Variants in LTBP1 observed in about 807,000 individuals in gnomAD.
LTBP1 encodes latent transforming growth factor beta binding protein 1, also known as latent-transforming growth factor beta-binding protein 1.
Under a neutral mutation model 207.6 loss-of-function variants are expected in LTBP1, and 129 were observed. That is an observed-to-expected ratio of 0.62 (90% CI 0.54 to 0.72). The LOEUF (loss-of-function observed/expected upper bound fraction) is 0.72. Ranked by LOEUF, LTBP1 falls within the 30% of genes least tolerant of loss-of-function variation. The pLI is 0.00. For synonymous variants in LTBP1, 963 were observed against 833.7 expected, an observed-to-expected ratio of 1.16 and a Z score of -2.67; for missense variants, 2,281 against 2,217.2, an observed-to-expected ratio of 1.03 and a Z score of -0.58.
intron 2 of LTBP1, among the ~76,000 whole-genome samples, chr2:32,995,613 C>G (rs1572992039): frequency 6.6e-6 from 1 of 152,124 alleles, no homozygotes; most frequent in Admixed American, 6.5e-5. Flanking sequence ...AACCCCATCT[C>G]TACTAAAAAT....
intron 7 of LTBP1, among the ~76,000 whole-genome samples, chr2:33,201,868 T>C (rs1442923506): frequency 1.3e-5 from 2 of 152,224 alleles, no homozygotes; most frequent in Admixed American, 1.3e-4. Context: ...TTTGGGATTC[T>C]GTTAGAGATG....
chr2:33,288,804 G>A (rs1243310437), intron 19 of LTBP1, among the ~76,000 whole-genome samples: 4 of 149,876 alleles, frequency 2.7e-5, no homozygotes, highest in South Asian at 2.1e-4. Flanking sequence ...GCAGTGAGCC[G>A]AGATCGCACC....
At chr2:33,196,225 A>G (rs2088548768) in intron 7 of LTBP1, among the ~76,000 whole-genome samples, 1 of 152,226 alleles carries the variant, frequency 6.6e-6, no homozygotes, top group Non-Finnish European at 1.5e-5. Context: ...AAGTAGCACG[A>G]ACTTGACTCT....
At chr2:33,354,949 C>T (rs549572282) in intron 26 of LTBP1, among the ~76,000 whole-genome samples, 20 of 152,002 alleles carry the variant, frequency 1.3e-4, no homozygotes, top group African/African-American at 9.7e-5. Context: ...ACTATGTTGC[C>T]GAGGCTGGTC....
At chr2:32,996,432 A>G (rs1353738178) in intron 2 of LTBP1, among the ~76,000 whole-genome samples, 3 of 152,172 alleles carry the variant, frequency 2.0e-5, no homozygotes, top group African/African-American at 7.2e-5. Context: ...TAGGATTTCA[A>G]CATATGAATT....
intron 25 of LTBP1, 122 bp downstream of exon 25, chr2:33,343,085 C>T: frequency 8.3e-7 from 1 of 1,199,964 alleles, no homozygotes; most frequent in Non-Finnish European, 1.1e-6. Context: ...TTGATTTTGT[C>T]ATACAATTTG....
At chr2:33,046,718 T>A (rs2149462006) in intron 3 of LTBP1, among the ~76,000 whole-genome samples, 1 of 152,338 alleles carries the variant, frequency 6.6e-6, no homozygotes, top group Middle Eastern at 3.4e-3. Context: ...TCTGGTAGAA[T>A]TTAGCTGTGA....
Position 33,243,600 on chromosome 2 carries a change from A to C in LTBP1, c.1877-62A>C. The C allele has an allele frequency of 6.4e-6, 10 of 1,553,210 alleles. No individual in the cohort carries two copies. In the South Asian group the frequency reaches 1.0e-4, roughly 16 times the overall value. ...GTGAAAAAGGAAGTGAATGCAATGT[A>C]TAGCCAGAATCTGCTCAATGGGGCT... On this transcript the variant is annotated intron_variant, in intron 9 of 33. Coordinates refer to ENST00000404816, the MANE Select transcript of LTBP1 (RefSeq NM_206943.4).
rs553359163 is a variant in LTBP1, at chr2:32,997,489, G to A, written c.566-23420G>A. 3.9e-4 allele frequency among the ~76,000 whole-genome samples: 60 copies of A among 152,300 alleles called. 1 individual carries two copies. The East Asian group carries it at 9.7e-3, about 25-fold the overall frequency. ...ATGCCGTTCCAGCCTGGCCAACAGA[G>A]TGAGACCCTGTCTTTAAAAAACAAA... On this transcript the variant is annotated intron_variant, in intron 2 of 33. Coordinates refer to ENST00000404816, the MANE Select transcript of LTBP1 (RefSeq NM_206943.4).
At chr2:33,137,442 T>G (rs2082233405) in intron 5 of LTBP1, among the ~76,000 whole-genome samples, 1 of 152,212 alleles carries the variant, frequency 6.6e-6, no homozygotes, top group South Asian at 2.1e-4. Context: ...AAATATGTTT[T>G]AGACTTTGTG....
At chr2:33,397,420 A>ACATCTC in intron 33 of LTBP1, 138 bp downstream of exon 33, 2 of 817,800 alleles carry the variant, frequency 2.4e-6, no homozygotes, top group Non-Finnish European at 1.9e-6. Context: ...TACATTAAGT[A>ACATCTC]CAGTATGAAT....
intron 3 of LTBP1, among the ~76,000 whole-genome samples, chr2:33,091,672 G>C (rs2079099665): frequency 6.6e-6 from 1 of 152,166 alleles, no homozygotes; most frequent in Admixed American, 6.5e-5. Flanking sequence ...CTCAAGGATG[G>C]TGGCAAGAAT....
rs1313558141 is a variant in LTBP1 at position 33,116,564 on chromosome 2, GC to G, written c.1033+5814del. 5.9e-5 allele frequency among the ~76,000 whole-genome samples: 9 copies of G among 151,468 alleles called. No homozygotes were observed. The East Asian group carries it at 1.7e-3, about 29-fold the overall frequency. Reference sequence around the variant, plus strand: ...TGCAAACACATAATACTGTTAAATTGCAAAAAAAGAAAAGTAAGGACAAGCC... The same window carrying G: ...TGCAAACACATAATACTGTTAAATTGAAAAAAAGAAAAGTAAGGACAAGCC... On this transcript the variant is annotated intron_variant, in intron 4 of 33. Transcript: ENST00000404816.
intron 21 of LTBP1, 121 bp downstream of exon 21, chr2:33,300,694 C>A: frequency 1.0e-6 from 1 of 1,003,716 alleles, no homozygotes; most frequent in Non-Finnish European, 1.4e-6. Flanking sequence ...ATTATAGTGC[C>A]AGAAAGCCAG....
At chr2:33,223,896 T>C (rs1437793189) in intron 9 of LTBP1, among the ~76,000 whole-genome samples, 1 of 152,202 alleles carries the variant, frequency 6.6e-6, no homozygotes, top group Non-Finnish European at 1.5e-5. Flanking sequence ...TTAAAATGTT[T>C]GTAAACAGGC....
At chr2:33,020,772 C>G (rs912026485) in intron 2 of LTBP1, 137 bp from the exon 3 acceptor site, 2 of 791,224 alleles carry the variant, frequency 2.5e-6, no homozygotes, top group African/African-American at 3.4e-5. Flanking sequence ...CCAACTGCCC[C>G]ACCTTCCTCC....
At position 32,947,774 on chromosome 2, in the gene LTBP1, C is replaced by T. The variant is rs753048325; in HGVS notation, c.450C>T (p.Gly150=). 1 of 1,514,980 alleles carries T rather than the reference C, an allele frequency of 6.6e-7. No homozygotes were observed. The highest frequency in any genetic ancestry group is 1.3e-5 in the South Asian group (1 of 78,910). 93.8% of individuals were successfully genotyped at this position (1,514,980 alleles called of 1,614,324 possible). ...AGGTGCCGCAGGAGACCCAGAGCGG[C>T]GGAGGCTCTAGGCTGCAGGTTCACC... ...RSKVPQETQS[G]GGSRLQVHQK... is the part of the protein sequence containing the mutation. The change falls in exon 1 of 34, where the codon GGC becomes GGT. Residue 150 remains glycine, a synonymous_variant. Coordinates refer to ENST00000404816, the MANE Select transcript of LTBP1 (RefSeq NM_206943.4).
intron 3 of LTBP1, among the ~76,000 whole-genome samples, chr2:33,090,286 T>G (rs558155780): frequency 6.6e-6 from 1 of 152,326 alleles, no homozygotes; most frequent in South Asian, 2.1e-4. Context: ...AGTTGGCCCT[T>G]TTTCCTGGAC....
chr2:32,981,619 C>T (rs1682774754), intron 2 of LTBP1, among the ~76,000 whole-genome samples: 1 of 152,174 alleles, frequency 6.6e-6, no homozygotes. Flanking sequence ...CATAAGCTCT[C>T]TGATATGGTT....
Sources: allele counts gnomAD v4.1 joint callset (sites outside exome capture counted in the v4.1 genomes callset), GRCh38; gene constraint gnomAD v4.1.1; transcripts MANE v1.5; gene names NCBI Gene and HGNC (gene_info 2026-07-23, HGNC 2026-07-21).